RBBP8: variants seen among roughly 807,000 people sequenced by gnomAD.
RBBP8 encodes RB binding protein 8, endonuclease.
Under a neutral mutation model 108.3 loss-of-function variants are expected in RBBP8, and 88 were observed. That is an observed-to-expected ratio of 0.81 (90% CI 0.68 to 0.97). The LOEUF (loss-of-function observed/expected upper bound fraction) is 0.97, where lower values mean the gene tolerates loss of function less well. Ranked by LOEUF, RBBP8 falls within the 50% of genes least tolerant of loss-of-function variation. The probability of loss-of-function intolerance (pLI) is 0.00; values close to 1 mark genes in which losing one functional copy is unlikely to be tolerated. For synonymous variants in RBBP8, 332 were observed against 348.2 expected (o/e 0.95, Z 0.52); for missense variants, 1,023 against 1,049.0 (o/e 0.98, Z 0.34).
intron 2 of RBBP8, among the ~76,000 whole-genome samples, chr18:22,945,546 G>C (rs1460160502): frequency 6.6e-6 from 1 of 151,884 alleles, no homozygotes; most frequent in Admixed American, 6.6e-5. Context: ...ACCACACCCG[G>C]CTAATTTTGT....
intron 6 of RBBP8, among the ~76,000 whole-genome samples, chr18:22,981,266 G>C (rs957853638): frequency 6.6e-6 from 1 of 151,980 alleles, no homozygotes; most frequent in Non-Finnish European, 1.5e-5. Flanking sequence ...CACCGCGCCC[G>C]GCCCCAATTT....
intron 3 of RBBP8, among the ~76,000 whole-genome samples, chr18:22,921,984 A>G (rs2144338238): frequency 6.6e-6 from 1 of 152,322 alleles, no homozygotes; most frequent in African/African-American, 2.4e-5. Context: ...GAAACACACA[A>G]TTTTGAATAG....
rs1046373159 is a variant in RBBP8, at chr18:22,940,986, T to C, written c.109+4026T>C. On this transcript the variant is annotated intron_variant, in intron 2 of 18. Transcript: ENST00000327155. The stretch of plus-strand genomic sequence containing the variant: ...TTCAGCAACATTTTCTGATTGTCAT[T>C]GTACAAGTTTTTTGTCTCCTTGGTG... 4.6e-5 allele frequency among the ~76,000 whole-genome samples: 7 copies of C among 152,170 alleles called. No homozygotes were observed. In the East Asian group the frequency reaches 1.4e-3, roughly 29 times the overall value.
In RBBP8 at chr18:22,933,759, A is replaced by C. The variant is rs1910224416; in HGVS notation, c.-99+195A>C. On this transcript the variant is annotated intron_variant, in intron 1 of 18. Coordinates refer to ENST00000327155, the MANE Select transcript of RBBP8 (RefSeq NM_002894.3). The stretch of plus-strand genomic sequence containing the variant: ...CCGGCGGGAGGACGAGCGCTACCTC[A>C]GTACTACTTCTGGGTCTCCCGCGCG... 3 of 152,158 alleles carry C rather than the reference A, an allele frequency of 2.0e-5. No individual in the cohort carries two copies. The South Asian group carries it at 6.2e-4, about 32-fold the overall frequency. 9.4% of individuals were successfully genotyped at this position (152,158 alleles called of 1,614,324 possible).
intron 2 of RBBP8, among the ~76,000 whole-genome samples, chr18:22,916,081 T>C (rs56405371): frequency 0.17 from 26,452 of 152,082 alleles, 2,982 homozygotes; most frequent in African/African-American, 0.33. Context: ...TCAATCAAAT[T>C]AGGAGTGTGT....
intron 5 of RBBP8, among the ~76,000 whole-genome samples, chr18:22,970,711 T>C (rs8087501): frequency 0.49 from 74,723 of 152,070 alleles, 21,730 homozygotes; most frequent in Middle Eastern, 0.67. Context: ...CAGTCTTAAA[T>C]TGCCCTATTT....
intron 3 of RBBP8, among the ~76,000 whole-genome samples, chr18:22,947,507 GC>G (rs1911668122): frequency 1.3e-5 from 2 of 152,010 alleles, no homozygotes; most frequent in African/African-American, 4.8e-5. Context: ...GATTTACCCA[GC>G]TTCTTATGCC....
Position 22,993,740 on chromosome 18 carries a change from CAAT to C in RBBP8, c.1835_1837del (p.Ile612del). 1 of 1,614,068 alleles carries C rather than the reference CAAT, an allele frequency of 6.2e-7. No homozygotes were observed. Among genetic ancestry groups the C allele is most frequent in the Non-Finnish European group, 8.5e-7 (1 of 1,180,002 alleles). ...TTTTAGAGTGCTGGTTCTCATGAGCCAATAAAAATACAAACCAGGTCAGACCAT... is the reference window on the plus strand; with the variant it reads ...TTTTAGAGTGCTGGTTCTCATGAGCCAAAAATACAAACCAGGTCAGACCAT... On this transcript the variant is annotated inframe_deletion, in exon 12 of 19. Transcript: ENST00000327155.
chr18:22,942,177 C>A (rs927771114), intron 2 of RBBP8, among the ~76,000 whole-genome samples: 1 of 151,850 alleles, frequency 6.6e-6, no homozygotes, highest in Non-Finnish European at 1.5e-5. Context: ...ATATAGGAAT[C>A]AAAATTGACT....
intron 6 of RBBP8, 50 bp from the exon 7 acceptor site, chr18:22,982,168 G>T (rs373954478): frequency 6.4e-7 from 1 of 1,556,478 alleles, no homozygotes; most frequent in Non-Finnish European, 8.8e-7. Flanking sequence ...TGTAGTAAAT[G>T]TTTTAATACT....
intron 3 of RBBP8, 133 bp from the exon 4 acceptor site, chr18:22,949,485 A>T: frequency 1.4e-6 from 1 of 690,076 alleles, no homozygotes; most frequent in Non-Finnish European, 2.5e-6. Flanking sequence ...GATTTACAAG[A>T]TATTCCAACC....
intron 16 of RBBP8, among the ~76,000 whole-genome samples, chr18:23,014,033 T>C (rs1208022937): frequency 6.6e-6 from 1 of 152,210 alleles, no homozygotes; most frequent in Non-Finnish European, 1.5e-5. Flanking sequence ...AGAGTCTCAC[T>C]CTGTCACCCA....
chr18:22,957,897 T>C (rs1231006516), intron 4 of RBBP8, among the ~76,000 whole-genome samples: 1 of 152,198 alleles, frequency 6.6e-6, no homozygotes, highest in Non-Finnish European at 1.5e-5. Context: ...GCCAGTGATA[T>C]TTTAAAAATC....
In RBBP8 at chr18:22,980,965, CTTTTTTT is replaced by C. The variant is rs1167377654; in HGVS notation, c.429-1234_429-1228del. On this transcript the variant is annotated intron_variant, in intron 6 of 18. Transcript: ENST00000327155. ...AATTGTAGGTGTGAGCCACTTATGT[CTTTTTTT>C]TTTTTTTTTTTTTTTTTTGAGACGG... Among the ~76,000 whole-genome samples, 83 of 69,504 alleles carry C rather than the reference CTTTTTTT, an allele frequency of 1.2e-3. 1 individual carries two copies. The highest frequency in any genetic ancestry group is 1.7e-3 in the Non-Finnish European group (64 of 38,614). 45.6% of individuals were successfully genotyped at this position (69,504 alleles called of 152,430 possible).
At chr18:23,011,682 G>T (rs558399202) in intron 16 of RBBP8, among the ~76,000 whole-genome samples, 1 of 151,872 alleles carries the variant, frequency 6.6e-6, no homozygotes, top group East Asian at 1.9e-4. Flanking sequence ...CTCATGATCC[G>T]CCTGCCTAGG....
chr18:23,022,562 A>T (rs1007549191), intron 18 of RBBP8, among the ~76,000 whole-genome samples: 2 of 150,448 alleles, frequency 1.3e-5, no homozygotes, highest in Middle Eastern at 3.4e-3. Flanking sequence ...AGATTGTGCC[A>T]TTGCACTCCA....
intron 2 of RBBP8, among the ~76,000 whole-genome samples, chr18:22,943,814 G>T (rs1056182049): frequency 2.0e-5 from 3 of 152,052 alleles, no homozygotes; most frequent in African/African-American, 7.2e-5. Context: ...ACTAAAATAA[G>T]AACATAGCAG....
chr18:22,979,727 A>G (rs567616419), intron 6 of RBBP8, among the ~76,000 whole-genome samples: 4 of 152,236 alleles, frequency 2.6e-5, no homozygotes, highest in Non-Finnish European at 5.9e-5. Context: ...TTCAAACCCA[A>G]TCTTTCAGTT....
At chr18:22,936,401 C>CA (rs2144394195) in intron 1 of RBBP8, among the ~76,000 whole-genome samples, 1 of 152,254 alleles carries the variant, frequency 6.6e-6, no homozygotes, top group South Asian at 2.1e-4. Flanking sequence ...CTCCCCCAGC[C>CA]AAAACAATAC....
Sources: gnomAD v4.1 joint callset for allele counts (sites outside exome capture counted in the v4.1 genomes callset) on GRCh38, gnomAD v4.1.1 for gene constraint, MANE v1.5 for transcripts, NCBI Gene and HGNC (gene_info 2026-07-23, HGNC 2026-07-21) for gene names.